The following ROBO2 variants were observed in gnomAD, a reference collection of about 807,000 sequenced individuals.
The protein encoded by ROBO2 is roundabout guidance receptor 2.
ROBO2 carries 53 observed loss-of-function variants against 160.8 expected under a neutral mutation model. The observed-to-expected ratio is 0.33, with a 90% CI of 0.26 to 0.41. The LOEUF is 0.41. Among genes scored for constraint, ROBO2 ranks in the 10% least tolerant of loss-of-function variants. The pLI is 1.00. For missense variants in ROBO2, 1,577 were observed against 1,722.4 expected (o/e 0.92, Z 1.49); for synonymous variants, 664 against 611.7 (o/e 1.09, Z -1.26).
intron 9 of ROBO2, among the ~76,000 whole-genome samples, chr3:77,561,069 A>C (rs2093306743): frequency 1.3e-5 from 2 of 152,138 alleles, no homozygotes; most frequent in Admixed American, 6.6e-5. Flanking sequence ...AATTGTACAG[A>C]GATAATATGG....
rs184278371 is a variant in ROBO2, at chr3:76,535,853, C to T, written c.110-562161C>T. 1.7e-4 allele frequency among the ~76,000 whole-genome samples: 26 copies of T among 152,222 alleles called. No individual in the cohort carries two copies. The East Asian group carries it at 4.6e-3, about 27-fold the overall frequency. On this transcript the variant is annotated intron_variant, in intron 2 of 26. Transcript: ENST00000487694. The stretch of plus-strand genomic sequence containing the variant: ...GACTTACCCTCCACTATAAGAGTTA[C>T]CTGAAGCTCAGCATCCATGATGGTC...
At chr3:77,163,380 C>T (rs1257256024) in intron 2 of ROBO2, among the ~76,000 whole-genome samples, 1 of 152,178 alleles carries the variant, frequency 6.6e-6, no homozygotes, top group Non-Finnish European at 1.5e-5. Context: ...TCATGTAAGG[C>T]AGAGGCATAG....
chr3:76,448,354 C>T (rs1026671330), intron 2 of ROBO2, among the ~76,000 whole-genome samples: 2 of 152,086 alleles, frequency 1.3e-5, no homozygotes, highest in South Asian at 2.1e-4. Flanking sequence ...TGTTTTAATA[C>T]GAGGAAATGA....
chr3:76,997,675 G>C (rs1340041218), intron 2 of ROBO2, among the ~76,000 whole-genome samples: 1 of 152,172 alleles, frequency 6.6e-6, no homozygotes, highest in African/African-American at 2.4e-5. Context: ...GATCGTATAA[G>C]TTGAGCTTCT....
chr3:76,946,077 C>G (rs2078522414), intron 2 of ROBO2, among the ~76,000 whole-genome samples: 1 of 152,258 alleles, frequency 6.6e-6, no homozygotes, highest in Admixed American at 6.5e-5. Flanking sequence ...GATACGGTTC[C>G]TTAGAAATAA....
chr3:76,481,169 G>C (rs1357088071), intron 2 of ROBO2, among the ~76,000 whole-genome samples: 1 of 152,058 alleles, frequency 6.6e-6, no homozygotes, highest in Admixed American at 6.6e-5. Flanking sequence ...TGGCTCAGAG[G>C]CATCTTTTTT....
chr3:76,888,827 T>C (rs2074117192), intron 2 of ROBO2, among the ~76,000 whole-genome samples: 1 of 152,218 alleles, frequency 6.6e-6, no homozygotes, highest in Non-Finnish European at 1.5e-5. Context: ...TTCACACGTA[T>C]GTAATGTTTA....
chr3:76,466,911 G>C (rs1559995182), intron 2 of ROBO2, among the ~76,000 whole-genome samples: 1 of 151,954 alleles, frequency 6.6e-6, no homozygotes, highest in East Asian at 1.9e-4. Context: ...TGTATGTACA[G>C]ATACAAATTT....
At chr3:76,253,206 A>T (rs763922089) in intron 2 of ROBO2, among the ~76,000 whole-genome samples, 1 of 152,084 alleles carries the variant, frequency 6.6e-6, no homozygotes, top group Non-Finnish European at 1.5e-5. Context: ...AAAGACAGGT[A>T]TGTTGTGTAC....
intron 2 of ROBO2, among the ~76,000 whole-genome samples, chr3:76,994,281 A>G (rs76217703): frequency 0.015 from 2,222 of 152,306 alleles, 45 homozygotes; most frequent in African/African-American, 0.049. Context: ...CTTTAGCTAC[A>G]TTAATGATCA....
chr3:76,162,148 A>G (rs1466112058), intron 2 of ROBO2, among the ~76,000 whole-genome samples: 3 of 152,148 alleles, frequency 2.0e-5, no homozygotes, highest in Admixed American at 1.3e-4. Flanking sequence ...GATAGCTTCA[A>G]TGTATTTATT....
chr3:76,562,886 C>T (rs2108506825), intron 2 of ROBO2, among the ~76,000 whole-genome samples: 1 of 152,224 alleles, frequency 6.6e-6, no homozygotes, highest in Non-Finnish European at 1.5e-5. Context: ...GCAGCTTTCT[C>T]TTGTGCTCTC....
At chr3:77,162,330 A>G (rs997050715) in intron 2 of ROBO2, among the ~76,000 whole-genome samples, 2 of 152,190 alleles carry the variant, frequency 1.3e-5, no homozygotes, top group African/African-American at 2.4e-5. Context: ...ATAATTCTGA[A>G]TGGTGGATAG....
At chr3:76,424,657 T>G (rs759868393) in intron 2 of ROBO2, among the ~76,000 whole-genome samples, 10 of 152,160 alleles carry the variant, frequency 6.6e-5, no homozygotes, top group Non-Finnish European at 1.5e-4. Context: ...TATTAAGTGC[T>G]TTTACCAGAA....
At chr3:76,393,575 TAAAGTA>T (rs1258809561) in intron 2 of ROBO2, among the ~76,000 whole-genome samples, 1 of 152,188 alleles carries the variant, frequency 6.6e-6, no homozygotes, top group Non-Finnish European at 1.5e-5. Context: ...TAAAACTCTG[TAAAGTA>T]AAAGATGTTT....
At chr3:77,120,020 TAA>T (rs2074591897) in intron 2 of ROBO2, among the ~76,000 whole-genome samples, 1 of 152,260 alleles carries the variant, frequency 6.6e-6, no homozygotes, top group Admixed American at 6.5e-5. Flanking sequence ...GAATGTTTAA[TAA>T]ACCCTATTAA....
At chr3:77,588,804 A>G (rs374187742) in exon 17 of ROBO2, 3 of 1,613,576 alleles carry the variant, frequency 1.9e-6, no homozygotes, top group Non-Finnish European at 2.5e-6. Flanking sequence ...AACTGAGCAA[A>G]TCACTGATGT....
At chr3:75,916,992 TAC>T (rs57611102) in intron 1 of ROBO2, among the ~76,000 whole-genome samples, 130,386 of 151,670 alleles carry the variant, frequency 0.86, 56,228 homozygotes, top group East Asian at 0.93. Context: ...TATATATATA[TAC>T]ACACACACAT....
chr3:77,328,655 G>A (rs2065680111), intron 2 of ROBO2, among the ~76,000 whole-genome samples: 1 of 152,174 alleles, frequency 6.6e-6, no homozygotes, highest in African/African-American at 2.4e-5. Context: ...AGCAATAAAA[G>A]AGATAGATAT....
Sources: gnomAD v4.1 joint callset for allele counts (sites outside exome capture counted in the v4.1 genomes callset) on GRCh38, gnomAD v4.1.1 for gene constraint, MANE v1.5 for transcripts, NCBI Gene and HGNC (gene_info 2026-07-23, HGNC 2026-07-21) for gene names.